Variants in ARRDC4 observed in about 807,000 individuals in gnomAD.
The protein encoded by ARRDC4 is arrestin domain containing 4.
ARRDC4 carries 40 observed loss-of-function variants against 44.6 expected under a neutral mutation model. The observed-to-expected ratio is 0.90, with a 90% confidence interval of 0.70 to 1.17. ARRDC4 has a LOEUF of 1.17. Ranked by LOEUF, ARRDC4 falls within the 50% of genes most tolerant of loss-of-function variation. The probability of loss-of-function intolerance (pLI) is 0.00; values close to 1 mark genes in which losing one functional copy is unlikely to be tolerated. For synonymous variants in ARRDC4, 211 were observed against 221.2 expected, an observed-to-expected ratio of 0.95 and a Z score of 0.41; for missense variants, 550 against 559.1, an observed-to-expected ratio of 0.98 and a Z score of 0.16.
chr15:97,971,597 G>A lies in ARRDC4; in HGVS notation c.*410G>A. On this transcript the variant is annotated 3_prime_UTR_variant, in exon 8 of 8. Transcript: ENST00000268042. ...GGGTGAAGACTTGATTTTGGAGAGG[G>A]CAACAAAACAAGGGTGTGTGTGCAT... 1 of 209,782 alleles carries A rather than the reference G, an allele frequency of 4.8e-6. No homozygotes were observed. Among genetic ancestry groups the A allele is most frequent in the Non-Finnish European group, 9.8e-6 (1 of 102,338 alleles). The allele number at this position is 209,782 out of a possible 1,614,324, so 13.0% of individuals were successfully genotyped here.
In ARRDC4 at chr15:97,969,510, T is replaced by G. The variant is rs372361504; in HGVS notation, c.882+131T>G. The G allele has an allele frequency of 3.9e-5, 41 of 1,038,974 alleles. No homozygotes were observed. In the East Asian group the frequency reaches 9.9e-4, roughly 25 times the overall value. The allele number at this position is 1,038,974 out of a possible 1,614,324, so 64.4% of individuals were successfully genotyped here. A position where few individuals can be genotyped will look rare whatever the true frequency, so the allele number is the denominator to read the frequency against. Reference sequence around the variant, plus strand: ...GCATTAACACCAATTGGGGACTGTATGAAGATTGGCCCTTGTTTTTAATAA... The same window carrying G: ...GCATTAACACCAATTGGGGACTGTAGGAAGATTGGCCCTTGTTTTTAATAA... On this transcript the variant is annotated intron_variant, in intron 5 of 7. Transcript: ENST00000268042.
intron 5 of ARRDC4, 87 bp from the exon 6 acceptor site, chr15:97,969,796 T>A (rs1340444549): frequency 7.9e-7 from 1 of 1,260,424 alleles, no homozygotes; most frequent in Non-Finnish European, 1.1e-6. Flanking sequence ...TTTGTTTCTA[T>A]GAAAAAAAGA....
At position 97,966,924 on chromosome 15, in the gene ARRDC4, C is replaced by T. The variant is rs545687571; in HGVS notation, c.522+882C>T. Among the ~76,000 whole-genome samples the T allele has an allele frequency of 1.3e-5, 2 of 152,120 alleles. No individual in the cohort carries two copies. The highest frequency in any genetic ancestry group is 2.1e-4 in the South Asian group (1 of 4,802). ...TTTTTCTAGCCTGTGTTTTTAAAGA[C>T]AAGGAAAAAGCTAGCAGTTAGAAGT... On this transcript the variant is annotated intron_variant, in intron 3 of 7. Coordinates refer to ENST00000268042, the MANE Select transcript of ARRDC4 (RefSeq NM_183376.3). The surrounding 1 kb of genome is among the most constrained non-coding windows in gnomAD (Gnocchi z 4.7).
Position 97,970,670 on chromosome 15 carries a change from AGGGAGAAGTG to A in ARRDC4, c.1128_1137del (p.Glu376AspfsTer30). Reference sequence around the variant, plus strand: ...CCTTACCCTCAACCCCCTAACTGTGAGGGAGAAGTGTGCTGTCCTGTGTTTGCCTGTATAC... The same window carrying A: ...CCTTACCCTCAACCCCCTAACTGTGATGCTGTCCTGTGTTTGCCTGTATAC... On this transcript the variant is annotated frameshift_variant, in exon 7 of 8. Transcript: ENST00000268042. LOFTEE classifies it high-confidence loss of function. The surrounding 1 kb of genome is among the most constrained non-coding windows in gnomAD (Gnocchi z 4.2). The A allele has an allele frequency of 1.2e-6, 2 of 1,613,630 alleles. No homozygotes were observed. Among genetic ancestry groups the A allele is most frequent in the Non-Finnish European group, 1.7e-6 (2 of 1,179,648 alleles).
chr15:97,965,840 T>G lies in ARRDC4; in HGVS notation c.375-55T>G, dbSNP rs557183663. ...AAAACATTTTAAACCATGCTTTTTT[T>G]GGCTTTGTTTAACTGAAAAGTAAAC... On this transcript the variant is annotated intron_variant, in intron 2 of 7. Coordinates refer to ENST00000268042, the MANE Select transcript of ARRDC4 (RefSeq NM_183376.3). The surrounding 1 kb of genome is among the most constrained non-coding windows in gnomAD (Gnocchi z 5.1). 1 of 1,586,116 alleles carries G rather than the reference T, an allele frequency of 6.3e-7. No individual in the cohort carries two copies. Among genetic ancestry groups the G allele is most frequent in the South Asian group, 1.1e-5 (1 of 87,810 alleles).
rs775193944 is a variant in ARRDC4 at position 97,969,394 on chromosome 15, T to C, written c.882+15T>C. On this transcript the variant is annotated intron_variant, in intron 5 of 7. Transcript: ENST00000268042. ...ATTCCTTAGCTGTAAGCAAAGCTCT[T>C]TTTTAAAAAAAAATGTGTATGATGG... is the stretch of plus-strand genomic sequence containing the variant. 17 of 1,476,808 alleles carry C rather than the reference T, an allele frequency of 1.2e-5. No individual in the cohort carries two copies. The South Asian group carries it at 1.6e-4, about 14-fold the overall frequency. 91.5% of individuals were successfully genotyped at this position (1,476,808 alleles called of 1,614,324 possible).
rs1296187941 is a variant in ARRDC4 at position 97,963,293 on chromosome 15, A to T, written c.307+2125A>T. 4.6e-5 allele frequency among the ~76,000 whole-genome samples: 7 copies of T among 152,378 alleles called. No homozygotes were observed. In the East Asian group the frequency reaches 1.3e-3, roughly 29 times the overall value. On this transcript the variant is annotated intron_variant, in intron 1 of 7. Transcript: ENST00000268042. ...AGAAGCAGAAATGGGCACATGGTTC[A>T]GCTTGTGAACCTTTTACATTAAAAA... is the stretch of plus-strand genomic sequence containing the variant.
chr15:97,970,505 A>T lies in ARRDC4; in HGVS notation c.1046-84A>T. The T allele has an allele frequency of 7.3e-7, 1 of 1,378,098 alleles. No individual in the cohort carries two copies. Among genetic ancestry groups the T allele is most frequent in the East Asian group, 2.4e-5 (1 of 42,532 alleles). 85.4% of individuals were successfully genotyped at this position (1,378,098 alleles called of 1,614,324 possible). On this transcript the variant is annotated intron_variant, in intron 6 of 7. Transcript: ENST00000268042. This position sits in a 1 kb window ranked among gnomAD's most constrained non-coding sequence, Gnocchi z 4.2. ...TGCCATATTTTTTATCTTCAAGTTT[A>T]GCTGTTTCTTGTTTTTGTAGCAGTT...
chr15:97,969,002 A>C, intron 4 of ARRDC4, 121 bp from the exon 5 acceptor site: 1 of 1,063,100 alleles, frequency 9.4e-7, no homozygotes, highest in South Asian at 1.6e-5. Context: ...TATGTTTTCC[A>C]TCAAAGCTTC....
intron 1 of ARRDC4, among the ~76,000 whole-genome samples, chr15:97,961,982 T>A (rs2141531679): frequency 6.6e-6 from 1 of 152,338 alleles, no homozygotes; most frequent in South Asian, 2.1e-4. Context: ...TTCATTAATA[T>A]TAGATACCAA....
chr15:97,971,162 G>A lies in ARRDC4; in HGVS notation c.1232G>A (p.Ser411Asn). 1 of 1,613,362 alleles carries A rather than the reference G, an allele frequency of 6.2e-7. No homozygotes were observed. ...VDPHPSDVEE[S>N]QPVSFIL The stretch of plus-strand genomic sequence containing the variant: ...CCACATCCTAGCGACGTAGAAGAGA[G>A]CCAGCCTGTTTCCTTCATTCTCTGA... Residue 411 changes from serine to asparagine, a missense_variant, in exon 8 of 8, where the codon AGC (serine) becomes AAC (asparagine). Coordinates refer to ENST00000268042, the MANE Select transcript of ARRDC4 (RefSeq NM_183376.3).
chr15:97,970,148 A>G lies in ARRDC4; in HGVS notation c.1045+103A>G. ...TGCTCAGATGTTGATGAGTACTGCT[A>G]CTATAGGTATCTTTATTCCTACTAC... On this transcript the variant is annotated intron_variant, in intron 6 of 7. Coordinates refer to ENST00000268042, the MANE Select transcript of ARRDC4 (RefSeq NM_183376.3). The surrounding 1 kb of genome is among the most constrained non-coding windows in gnomAD (Gnocchi z 4.2). 2 of 1,191,184 alleles carry G rather than the reference A, an allele frequency of 1.7e-6. No homozygotes were observed. The highest frequency in any genetic ancestry group is 5.4e-5 in the Admixed American group (2 of 36,742). 73.8% of individuals were successfully genotyped at this position (1,191,184 alleles called of 1,614,324 possible).
At chr15:97,961,877 T>A (rs1899329667) in intron 1 of ARRDC4, among the ~76,000 whole-genome samples, 1 of 152,130 alleles carries the variant, frequency 6.6e-6, no homozygotes, top group African/African-American at 2.4e-5. Context: ...CATCAGGGCG[T>A]GTCGGGATTT....
At position 97,967,182 on chromosome 15, in the gene ARRDC4, T is replaced by A. The variant is rs1032351; in HGVS notation, c.523-832T>A. Among the ~76,000 whole-genome samples, 1,805 of 152,242 alleles carry A rather than the reference T, an allele frequency of 0.012. 16 individuals carry two copies. The highest frequency in any genetic ancestry group is 0.036 in the South Asian group (173 of 4,816). On this transcript the variant is annotated intron_variant, in intron 3 of 7. Coordinates refer to ENST00000268042, the MANE Select transcript of ARRDC4 (RefSeq NM_183376.3). The surrounding 1 kb of genome is among the most constrained non-coding windows in gnomAD (Gnocchi z 5.0). The stretch of plus-strand genomic sequence containing the variant: ...TTGTATTTTTAAAAACTACTTAGAA[T>A]TGGGAGGCTGAATATTTTTAAAGTT...
Position 97,965,687 on chromosome 15 carries a change from T to C in ARRDC4, c.374+21T>C, listed in dbSNP as rs1472229415. ...TCTGAGTAAGTGAAACACTACAATT[T>C]TGTGGTTATCCTTCTCTGCAGTATG... On this transcript the variant is annotated intron_variant, in intron 2 of 7. Transcript: ENST00000268042. The surrounding 1 kb of genome is among the most constrained non-coding windows in gnomAD (Gnocchi z 5.1). The C allele has an allele frequency of 6.2e-7, 1 of 1,606,756 alleles. No individual in the cohort carries two copies. The highest frequency in any genetic ancestry group is 8.5e-7 in the Non-Finnish European group (1 of 1,173,316).
chr15:97,965,733 C>T lies in ARRDC4; in HGVS notation c.374+67C>T, dbSNP rs1156698913. 2.0e-6 allele frequency: 3 copies of T among 1,510,472 alleles called. No individual in the cohort carries two copies. The highest frequency in any genetic ancestry group is 2.8e-6 in the Non-Finnish European group (3 of 1,086,328). 93.6% of individuals were successfully genotyped at this position (1,510,472 alleles called of 1,614,324 possible). On this transcript the variant is annotated intron_variant, in intron 2 of 7. Transcript: ENST00000268042. The surrounding 1 kb of genome is among the most constrained non-coding windows in gnomAD (Gnocchi z 5.1). The stretch of plus-strand genomic sequence containing the variant: ...GTATGTCCATTCAAGTTTATCACTG[C>T]TAGGTCTCTTCTGATTCTCAAGTAT...
chr15:97,969,019 T>C, intron 4 of ARRDC4, 104 bp from the exon 5 acceptor site: 3 of 1,213,354 alleles, frequency 2.5e-6, no homozygotes, highest in Non-Finnish European at 3.4e-6. Context: ...CTTCTCAATT[T>C]GTTAAAGTGA....
rs9652498 is a variant in ARRDC4 at position 97,971,991 on chromosome 15, A to C, written c.*804A>C. The stretch of plus-strand genomic sequence containing the variant: ...ATATCTTATTTACCTAGGAGCATGT[A>C]AGAGAAAGAAGGGAGAGAAAAGGTT... On this transcript the variant is annotated 3_prime_UTR_variant, in exon 8 of 8. Transcript: ENST00000268042. 0.82 allele frequency: 125,207 copies of C among 152,474 alleles called. 51,897 individuals carry two copies. The highest frequency in any genetic ancestry group is 0.93 in the African/African-American group (38,418 of 41,496). The allele number at this position is 152,474 out of a possible 1,614,324, so 9.4% of individuals were successfully genotyped here.
rs917558266 is a variant in ARRDC4 at position 97,965,190 on chromosome 15, G to T, written c.308-410G>T. On this transcript the variant is annotated intron_variant, in intron 1 of 7. Coordinates refer to ENST00000268042, the MANE Select transcript of ARRDC4 (RefSeq NM_183376.3). The surrounding 1 kb of genome is among the most constrained non-coding windows in gnomAD (Gnocchi z 5.1). ...TCACCCCTATAAGCTTAGTGCTTTG[G>T]GAGTCCAAGGTGGGAGAATCGTTTG... Among the ~76,000 whole-genome samples, 4 of 152,168 alleles carry T rather than the reference G, an allele frequency of 2.6e-5. No homozygotes were observed. The highest frequency in any genetic ancestry group is 9.7e-5 in the African/African-American group (4 of 41,422).
Sources: allele counts gnomAD v4.1 joint callset (sites outside exome capture counted in the v4.1 genomes callset), GRCh38; gene constraint gnomAD v4.1.1; non-coding constraint Gnocchi (gnomAD v3.1); transcripts MANE v1.5; gene names NCBI Gene and HGNC (gene_info 2026-07-23, HGNC 2026-07-21).